Variants in CLVS1 observed in about 807,000 individuals in gnomAD.
The protein encoded by CLVS1 is clavesin-1.
Under a neutral mutation model 33.1 loss-of-function variants are expected in CLVS1, and 10 were observed. That is an observed-to-expected ratio of 0.30 (90% CI 0.19 to 0.51). CLVS1 has a LOEUF of 0.51. CLVS1 is among the 20% of genes least tolerant of loss of function. CLVS1 has a pLI of 0.97. For synonymous variants in CLVS1, 163 were observed against 166.1 expected, an observed-to-expected ratio of 0.98 and a Z score of 0.14; for missense variants, 343 against 433.4, an observed-to-expected ratio of 0.79 and a Z score of 1.85.
chr8:61,172,391 A>T lies in CLVS1; in HGVS notation c.-152+40531A>T, dbSNP rs374125465. The stretch of plus-strand genomic sequence containing the variant: ...ACTTGTGGAATTAACTATAGCTATC[A>T]TTGAGTGTTTTATGACAGAAAATTG... On this transcript the variant is annotated intron_variant, in intron 2 of 2. Transcript: ENST00000522621. 1.4e-4 allele frequency among the ~76,000 whole-genome samples: 21 copies of T among 152,302 alleles called. No homozygotes were observed. The South Asian group carries it at 4.1e-3, about 30-fold the overall frequency.
intron 2 of CLVS1, among the ~76,000 whole-genome samples, chr8:61,367,809 C>T (rs1585869254): frequency 6.6e-6 from 1 of 152,172 alleles, no homozygotes; most frequent in Non-Finnish European, 1.5e-5. Flanking sequence ...CTCCCATGTA[C>T]ATATATTTTA....
intron 1 of CLVS1, among the ~76,000 whole-genome samples, chr8:61,085,926 C>A (rs958338170): frequency 6.6e-6 from 1 of 151,520 alleles, no homozygotes; most frequent in East Asian, 1.9e-4. Flanking sequence ...GTCCCAGCTG[C>A]TCGGGAGGCT....
chr8:61,474,967 C>T (rs998109949), intron 5 of CLVS1, among the ~76,000 whole-genome samples: 1 of 152,148 alleles, frequency 6.6e-6, no homozygotes, highest in African/African-American at 2.4e-5. Context: ...CCACAACAGG[C>T]CCCAGTGTGT....
intron 3 of CLVS1, among the ~76,000 whole-genome samples, chr8:61,391,768 T>C (rs1185980780): frequency 1.3e-5 from 2 of 152,284 alleles, no homozygotes; most frequent in East Asian, 3.9e-4. Context: ...AAGATATTCC[T>C]TTAATAAAAA....
At chr8:61,355,381 G>A (rs117067188) in intron 2 of CLVS1, among the ~76,000 whole-genome samples, 408 of 151,938 alleles carry the variant, frequency 2.7e-3, no homozygotes, top group African/African-American at 4.1e-3. Flanking sequence ...AGCACACAGC[G>A]TGGTGGTTTG....
chr8:61,333,205 C>A (rs1405210665), intron 2 of CLVS1, among the ~76,000 whole-genome samples: 1 of 152,040 alleles, frequency 6.6e-6, no homozygotes, highest in Non-Finnish European at 1.5e-5. Context: ...TAAGAATAAG[C>A]AAAACTATGG....
chr8:61,115,214 C>T (rs1046143726), intron 1 of CLVS1, among the ~76,000 whole-genome samples: 1 of 151,812 alleles, frequency 6.6e-6, no homozygotes, highest in Admixed American at 6.6e-5. Context: ...TTCTCATGAG[C>T]AAAACAAAGC....
At chr8:61,218,499 G>A (rs1467027178) in intron 2 of CLVS1, among the ~76,000 whole-genome samples, 1 of 152,024 alleles carries the variant, frequency 6.6e-6, no homozygotes, top group Admixed American at 6.6e-5. Flanking sequence ...TAGAGGCTGG[G>A]AAGGATAGGA....
At chr8:61,375,984 C>T (rs1037195075) in intron 2 of CLVS1, among the ~76,000 whole-genome samples, 17 of 152,138 alleles carry the variant, frequency 1.1e-4, no homozygotes, top group African/African-American at 9.7e-5. Flanking sequence ...GTACTCAAAG[C>T]GAATTCCCTC....
intron 5 of CLVS1, among the ~76,000 whole-genome samples, chr8:61,496,528 TA>T (rs1337354938): frequency 2.0e-5 from 3 of 152,142 alleles, no homozygotes; most frequent in Admixed American, 1.3e-4. Context: ...GGAAATGTGT[TA>T]GGGGGCTGGG....
intron 1 of CLVS1, among the ~76,000 whole-genome samples, chr8:61,120,397 T>C (rs1238669724): frequency 7.7e-6 from 1 of 129,826 alleles, no homozygotes; most frequent in Non-Finnish European, 1.6e-5. Context: ...TCCATCCAGC[T>C]TTGTTCCGTT....
intron 1 of CLVS1, among the ~76,000 whole-genome samples, chr8:61,109,671 G>C (rs1805593155): frequency 6.6e-6 from 1 of 152,160 alleles, no homozygotes; most frequent in African/African-American, 2.4e-5. Context: ...TGAGAGGTGG[G>C]GCTCTGAAGA....
At chr8:61,095,173 A>G (rs2129285342) in intron 1 of CLVS1, among the ~76,000 whole-genome samples, 1 of 152,296 alleles carries the variant, frequency 6.6e-6, no homozygotes, top group African/African-American at 2.4e-5. Flanking sequence ...CGCCCTACCT[A>G]GTTATCTCTA....
chr8:61,263,497 T>A (rs1809247643), intron 2 of CLVS1, among the ~76,000 whole-genome samples: 1 of 152,234 alleles, frequency 6.6e-6, no homozygotes, highest in African/African-American at 2.4e-5. Context: ...CCTGTCTAAC[T>A]CCTTTCGTCG....
intron 5 of CLVS1, among the ~76,000 whole-genome samples, chr8:61,464,102 A>T (rs887458240): frequency 6.6e-6 from 1 of 152,028 alleles, no homozygotes; most frequent in African/African-American, 2.4e-5. Flanking sequence ...AAAAAAAAAA[A>T]AAAATTTGAA....
In CLVS1 at chr8:61,359,145, A is replaced by G. The variant is rs961798232; in HGVS notation, c.456-17460A>G. On this transcript the variant is annotated intron_variant, in intron 2 of 5. Transcript: ENST00000325897. ...GGTTTATTATGACTGCTATTTACAA[A>G]TTAAGCCCTCATCATTCACAGAACT... 2.6e-5 allele frequency among the ~76,000 whole-genome samples: 4 copies of G among 152,286 alleles called. No individual in the cohort carries two copies. The East Asian group carries it at 7.7e-4, about 29-fold the overall frequency.
At chr8:61,132,971 C>A (rs549299978) in intron 2 of CLVS1, among the ~76,000 whole-genome samples, 2 of 152,104 alleles carry the variant, frequency 1.3e-5, no homozygotes, top group Non-Finnish European at 2.9e-5. Context: ...GGCCTGGAGG[C>A]CTGAGCAGCT....
chr8:61,033,025 GAAAGAAAGAAAGAAAGAAAGAA>G, the CLVS1 span, among the ~76,000 whole-genome samples: 1 of 110,304 alleles, frequency 9.1e-6, no homozygotes, highest in Admixed American at 8.8e-5. Context: ...AAGAAAGAAA[GAAAGAAAGAAAGAAAGAAAGAA>G]AAAGAAAGAA....
At chr8:61,064,640 A>C (rs1454805407) in intron 1 of CLVS1, among the ~76,000 whole-genome samples, 1 of 151,200 alleles carries the variant, frequency 6.6e-6, no homozygotes, top group African/African-American at 2.4e-5. Context: ...CTGTGGGTTC[A>C]AACGATTCTT....
Sources: allele counts gnomAD v4.1 joint callset (sites outside exome capture counted in the v4.1 genomes callset), GRCh38; gene constraint gnomAD v4.1.1; transcripts MANE v1.5; gene names NCBI Gene and HGNC (gene_info 2026-07-23, HGNC 2026-07-21).